Variants in NOS3 observed in about 807,000 individuals in gnomAD.
NOS3 encodes the protein NOS type III.
In NOS3, 98 loss-of-function variants were observed where a neutral mutation model predicts 144.9. The observed-to-expected ratio is 0.68, with a 90% CI of 0.57 to 0.80. The LOEUF (loss-of-function observed/expected upper bound fraction) is 0.80. Among genes scored for constraint, NOS3 ranks in the 30% least tolerant of loss-of-function variants. The probability of loss-of-function intolerance (pLI) is 0.00; values close to 1 mark genes in which losing one functional copy is unlikely to be tolerated. For synonymous variants in NOS3, 714 were observed against 702.4 expected (o/e 1.02, Z -0.26); for missense variants, 1,465 against 1,656.4 (o/e 0.88, Z 2.01).
At chr7:151,001,205 C>T (rs751411780) in intron 10 of NOS3, 26 bp from the exon 11 acceptor site, 76 of 1,607,784 alleles carry the variant, frequency 4.7e-5, no homozygotes, top group Non-Finnish European at 6.3e-5. Context: ...CTGGTTTGAG[C>T]CTCTCCCCCT....
rs928538208 is a variant in NOS3 at position 151,002,076 on chromosome 7, C to T, written c.1647+111C>T. 2.1e-5 allele frequency: 31 copies of T among 1,471,624 alleles called. No homozygotes were observed. Among genetic ancestry groups the T allele is most frequent in the African/African-American group, 4.2e-5 (3 of 71,472 alleles). 91.2% of individuals were successfully genotyped at this position (1,471,624 alleles called of 1,614,324 possible). ...TACAAGTCAGGACTCATGAGGAACC[C>T]GGAACCACAGGTGTTCAGAGATCAA... On this transcript the variant is annotated intron_variant, in intron 13 of 26. Coordinates refer to ENST00000297494, the MANE Select transcript of NOS3 (RefSeq NM_000603.5). The surrounding 1 kb of genome is among the most constrained non-coding windows in gnomAD (Gnocchi z 4.1).
chr7:151,002,054 A>C lies in NOS3; in HGVS notation c.1647+89A>C, dbSNP rs1795116983. 1 of 1,542,344 alleles carries C rather than the reference A, an allele frequency of 6.5e-7. No individual in the cohort carries two copies. The highest frequency in any genetic ancestry group is 1.4e-5 in the African/African-American group (1 of 73,022). ...TGCCCTGGAGGACAGGAAGTGTTAC[A>C]AGTCAGGACTCATGAGGAACCCGGA... On this transcript the variant is annotated intron_variant, in intron 13 of 26. Transcript: ENST00000297494. The surrounding 1 kb of genome is among the most constrained non-coding windows in gnomAD (Gnocchi z 4.1).
At chr7:151,000,458 A>T (rs746139078) in intron 9 of NOS3, 40 bp from the exon 10 acceptor site, 15 of 1,274,096 alleles carry the variant, frequency 1.2e-5, no homozygotes, top group Non-Finnish European at 1.6e-5. Flanking sequence ...CCCCGTGATC[A>T]CCTCTGTCCC....
chr7:150,993,748 C>G lies in NOS3; in HGVS notation c.-51-5C>G, dbSNP rs1802305214. On this transcript the variant is annotated splice_region_variant and splice_polypyrimidine_tract_variant and intron_variant, in intron 1 of 26. Coordinates refer to ENST00000297494, the MANE Select transcript of NOS3 (RefSeq NM_000603.5). This position sits in a 1 kb window ranked among gnomAD's most constrained non-coding sequence, Gnocchi z 4.0. ...CCTCCTCTCGGTCCCCTCCCTCTTCCTAAGGAAAAGGCCAGGGCTCTGCTG... is the reference window on the plus strand; with the variant it reads ...CCTCCTCTCGGTCCCCTCCCTCTTCGTAAGGAAAAGGCCAGGGCTCTGCTG... 15 of 1,551,542 alleles carry G rather than the reference C, an allele frequency of 9.7e-6. No homozygotes were observed. The highest frequency in any genetic ancestry group is 1.2e-5 in the Non-Finnish European group (14 of 1,154,956).
chr7:150,995,170 C>T (rs764243761), intron 2 of NOS3, 33 bp from the exon 3 acceptor site: 4 of 1,293,676 alleles, frequency 3.1e-6, no homozygotes, highest in East Asian at 4.7e-5. Flanking sequence ...GAAACAAACC[C>T]TTCCTGATGA....
Position 150,993,129 on chromosome 7 carries a change from G to T in NOS3, c.-51-624G>T, listed in dbSNP as rs1176004188. Among the ~76,000 whole-genome samples, 1 of 152,208 alleles carries T rather than the reference G, an allele frequency of 6.6e-6. No homozygotes were observed. The highest frequency in any genetic ancestry group is 6.5e-5 in the Admixed American group (1 of 15,286). On this transcript the variant is annotated intron_variant, in intron 1 of 26. Coordinates refer to ENST00000297494, the MANE Select transcript of NOS3 (RefSeq NM_000603.5). This position sits in a 1 kb window ranked among gnomAD's most constrained non-coding sequence, Gnocchi z 4.0. ...TGTGTCCCCCACTTGAGTCATGGGG[G>T]TGTGGGGGTTCCAGGAAATTGGGGC...
At position 150,993,724 on chromosome 7, in the gene NOS3, C is replaced by G. The variant is rs1321098315; in HGVS notation, c.-51-29C>G. 30 of 1,452,710 alleles carry G rather than the reference C, an allele frequency of 2.1e-5. No homozygotes were observed. The highest frequency in any genetic ancestry group is 2.6e-5 in the Non-Finnish European group (28 of 1,079,570). The allele number at this position is 1,452,710 out of a possible 1,614,324, so 90.0% of individuals were successfully genotyped here. Reference sequence around the variant, plus strand: ...CTGGAGAGCCCCCTCCCACTGCCCCCTCCTCTCGGTCCCCTCCCTCTTCCT... The same window carrying G: ...CTGGAGAGCCCCCTCCCACTGCCCCGTCCTCTCGGTCCCCTCCCTCTTCCT... On this transcript the variant is annotated intron_variant, in intron 1 of 26. Coordinates refer to ENST00000297494, the MANE Select transcript of NOS3 (RefSeq NM_000603.5). The surrounding 1 kb of genome is among the most constrained non-coding windows in gnomAD (Gnocchi z 4.0).
In NOS3 at chr7:151,000,477, CCA is replaced by C; in HGVS notation, c.1132-15_1132-14del. On this transcript the variant is annotated intron_variant, in intron 9 of 26. Coordinates refer to ENST00000297494, the MANE Select transcript of NOS3 (RefSeq NM_000603.5). ...GTGATCACCTCTGTCCCTACCGATGCCACACACCCTTCTGCCCCAGGATGTGG... is the reference window on the plus strand; with the variant it reads ...GTGATCACCTCTGTCCCTACCGATGCCACACCCTTCTGCCCCAGGATGTGG... The C allele has an allele frequency of 1.3e-6, 2 of 1,511,906 alleles. No homozygotes were observed. The highest frequency in any genetic ancestry group is 1.8e-6 in the Non-Finnish European group (2 of 1,087,204). The allele number at this position is 1,511,906 out of a possible 1,614,324, so 93.7% of individuals were successfully genotyped here. A position where few individuals can be genotyped will look rare whatever the true frequency, so the allele number is the denominator to read the frequency against.
Position 151,007,135 on chromosome 7 carries a change from C to A in NOS3, c.1971C>A (p.Tyr657Ter). ...FCVFGLGSRA[Y>*]PHFCAFARAV... is the part of the protein sequence containing the mutation. ...TGTTCGGGCTCGGCTCCCGGGCATA[C>A]CCCCACTTCTGCGCCTTTGCTCGTG... is the stretch of plus-strand genomic sequence containing the variant. Residue 657 changes from tyrosine (Y) to a stop codon, truncating the protein, a stop_gained, in exon 17 of 27, where the codon TAC becomes TAA. Coordinates refer to ENST00000297494, the MANE Select transcript of NOS3 (RefSeq NM_000603.5). LOFTEE classifies it high-confidence loss of function. 4 of 1,614,028 alleles carry A rather than the reference C, an allele frequency of 2.5e-6. No homozygotes were observed. Among genetic ancestry groups the A allele is most frequent in the Non-Finnish European group, 3.4e-6 (4 of 1,180,012 alleles).
At position 151,014,356 on chromosome 7, in the gene NOS3, T is replaced by C; in HGVS notation, c.*187T>C. 1 of 649,478 alleles carries C rather than the reference T, an allele frequency of 1.5e-6. No homozygotes were observed. Among genetic ancestry groups the C allele is most frequent in the Non-Finnish European group, 2.5e-6 (1 of 397,674 alleles). 40.2% of individuals were successfully genotyped at this position (649,478 alleles called of 1,614,324 possible). ...GCCTCTTTTCCCTCTCTAGGCCTGT[T>C]GCCTCGGGCCTGGGTCCGCCTTAAT... On this transcript the variant is annotated 3_prime_UTR_variant, in exon 27 of 27. Transcript: ENST00000297494.
intron 9 of NOS3, among the ~76,000 whole-genome samples, chr7:150,999,884 G>T (rs1338072971): frequency 1.6e-5 from 2 of 122,692 alleles, no homozygotes; most frequent in African/African-American, 6.3e-5. Context: ...TGGGTTTGTG[G>T]GGTGTGTAGG....
At position 151,000,633 on chromosome 7, in the gene NOS3, G is replaced by T. The variant is rs533126639; in HGVS notation, c.1233+34G>T. 2.7e-5 allele frequency: 39 copies of T among 1,449,328 alleles called. No individual in the cohort carries two copies. The South Asian group carries it at 4.2e-4, about 16-fold the overall frequency. 89.8% of individuals were successfully genotyped at this position (1,449,328 alleles called of 1,614,324 possible). A position where few individuals can be genotyped will look rare whatever the true frequency, so the allele number is the denominator to read the frequency against. On this transcript the variant is annotated intron_variant, in intron 10 of 26. Transcript: ENST00000297494. ...GCCCAGACTGGCCAGGAAGGCAAAG[G>T]GTTTGCATACGGGGGCAGCAGGGGC...
rs370865624 is a variant in NOS3, at chr7:151,013,958, T to C, written c.3450+40T>C. 5.1e-4 allele frequency: 818 copies of C among 1,605,168 alleles called. 2 individuals are homozygous for C. Among genetic ancestry groups the C allele is most frequent in the Non-Finnish European group, 5.7e-4 (672 of 1,174,990 alleles). On this transcript the variant is annotated intron_variant, in intron 26 of 26. Coordinates refer to ENST00000297494, the MANE Select transcript of NOS3 (RefSeq NM_000603.5). ...GCCGGGCCTGAGCGTGCGGGGTTCCTGCTAAGGTCTCCGAGTCGGGTTCTG... is the reference window on the plus strand; with the variant it reads ...GCCGGGCCTGAGCGTGCGGGGTTCCCGCTAAGGTCTCCGAGTCGGGTTCTG...
chr7:150,996,891 G>A lies in NOS3; in HGVS notation c.548G>A (p.Arg183His), dbSNP rs1315177061. Reference sequence around the variant, plus strand: ...AAGCAGGCCTGGCGCAACGCTCCCCGCTGCGTGGGCCGGATCCAGTGGGGG... The same window carrying A: ...AAGCAGGCCTGGCGCAACGCTCCCCACTGCGTGGGCCGGATCCAGTGGGGG... ...GAKQAWRNAPRCVGRIQWGKL... is the reference protein window; with the variant it reads ...GAKQAWRNAPHCVGRIQWGKL... Residue 183 changes from arginine to histidine, a missense_variant, in exon 5 of 27, where the codon CGC (arginine) becomes CAC (histidine). This residue lies in a region of NOS3 where 374 missense variants were observed against 377.0 expected (regional missense o/e 0.99). Coordinates refer to ENST00000297494, the MANE Select transcript of NOS3 (RefSeq NM_000603.5). The A allele has an allele frequency of 3.2e-6, 5 of 1,580,906 alleles. No individual in the cohort carries two copies. Among genetic ancestry groups the A allele is most frequent in the South Asian group, 2.3e-5 (2 of 86,634 alleles).
chr7:150,998,091 G>A lies in NOS3; in HGVS notation c.583-266G>A, dbSNP rs1802473397. 6.6e-6 allele frequency among the ~76,000 whole-genome samples: 1 copy of A among 152,226 alleles called. No homozygotes were observed. Among genetic ancestry groups the A allele is most frequent in the Non-Finnish European group, 1.5e-5 (1 of 68,044 alleles). On this transcript the variant is annotated intron_variant, in intron 5 of 26. Coordinates refer to ENST00000297494, the MANE Select transcript of NOS3 (RefSeq NM_000603.5). This position sits in a 1 kb window ranked among gnomAD's most constrained non-coding sequence, Gnocchi z 5.0. The stretch of plus-strand genomic sequence containing the variant: ...CAAGCATCAGTTTGGCAGAGGCCGA[G>A]TCCCTCCTCTGTACTGGATACCAAG...
At chr7:151,012,255 A>T in intron 23 of NOS3, 96 bp from the exon 24 acceptor site, 18 of 771,420 alleles carry the variant, frequency 2.3e-5, no homozygotes, top group East Asian at 4.7e-5. Context: ...TTGAGATGGG[A>T]AGAACTTGGG....
Position 151,009,584 on chromosome 7 carries a change from T to G in NOS3, c.2511T>G (p.Pro837=). The part of the protein sequence containing the change: ...VAVEQLEKGS[P]GGPPPGWVRD... Reference sequence around the variant, plus strand: ...TAGAGCAGCTGGAGAAGGGCAGCCCTGGTGAGGGGCAGCCTGGGAAGCAAC... The same window carrying G: ...TAGAGCAGCTGGAGAAGGGCAGCCCGGGTGAGGGGCAGCCTGGGAAGCAAC... The change falls in exon 20 of 27, where the codon CCT becomes CCG. Residue 837 remains proline (P), a splice_region_variant and synonymous_variant. Coordinates refer to ENST00000297494, the MANE Select transcript of NOS3 (RefSeq NM_000603.5). The G allele has an allele frequency of 2.0e-6, 3 of 1,527,430 alleles. No individual in the cohort carries two copies. Among genetic ancestry groups the G allele is most frequent in the Non-Finnish European group, 2.6e-6 (3 of 1,135,970 alleles). The allele number at this position is 1,527,430 out of a possible 1,614,324, so 94.6% of individuals were successfully genotyped here.
intron 23 of NOS3, among the ~76,000 whole-genome samples, chr7:151,011,628 A>G (rs3918206): frequency 0.012 from 1,615 of 138,026 alleles, 38 homozygotes; most frequent in African/African-American, 0.04. Flanking sequence ...AAAAAAAAAA[A>G]TATTCTCCTG....
intron 5 of NOS3, 124 bp downstream of exon 5, chr7:150,997,049 C>A: frequency 8.3e-7 from 1 of 1,211,858 alleles, no homozygotes; most frequent in Non-Finnish European, 1.1e-6. Flanking sequence ...CTTGCCTTTT[C>A]CCTTAGAGAC....
Sources: allele counts gnomAD v4.1 joint callset (sites outside exome capture counted in the v4.1 genomes callset), GRCh38; gene constraint gnomAD v4.1.1; regional missense constraint gnomAD v4.1.1; non-coding constraint Gnocchi (gnomAD v3.1); transcripts MANE v1.5; gene names NCBI Gene and HGNC (gene_info 2026-07-23, HGNC 2026-07-21).